The following CPQ variants were observed in gnomAD, a reference collection of about 807,000 sequenced individuals.
CPQ encodes Ser-Met dipeptidase.
In CPQ, 37 loss-of-function variants were observed where a neutral mutation model predicts 45.7. The ratio of observed to expected loss-of-function variants is 0.81; its 90% confidence interval spans 0.62 to 1.07. The LOEUF is 1.07. Among genes scored for constraint, CPQ ranks in the 50% least tolerant of loss-of-function variants. The pLI is 0.00. For synonymous variants in CPQ, 186 were observed against 205.8 expected (o/e 0.90, Z 0.82); for missense variants, 537 against 572.9 (o/e 0.94, Z 0.64).
intron 5 of CPQ, among the ~76,000 whole-genome samples, chr8:97,001,216 T>C (rs1400367919): frequency 3.3e-5 from 5 of 152,160 alleles, no homozygotes; most frequent in Non-Finnish European, 5.9e-5. Flanking sequence ...CTCTTTCTAT[T>C]TGAATACACT....
At chr8:97,039,590 G>A (rs1343025468) in intron 6 of CPQ, among the ~76,000 whole-genome samples, 4 of 151,386 alleles carry the variant, frequency 2.6e-5, no homozygotes, top group South Asian at 2.1e-4. Context: ...CCATTAACTC[G>A]TCATTTAGCA....
At chr8:96,662,978 C>T (rs951734764) in intron 1 of CPQ, among the ~76,000 whole-genome samples, 1 of 152,172 alleles carries the variant, frequency 6.6e-6, no homozygotes, top group Non-Finnish European at 1.5e-5. Flanking sequence ...CAGAGCAAAG[C>T]CCTGTCTCAA....
At chr8:96,918,737 G>T (rs1290000204) in intron 4 of CPQ, among the ~76,000 whole-genome samples, 2 of 152,042 alleles carry the variant, frequency 1.3e-5, no homozygotes, top group African/African-American at 4.8e-5. Context: ...CTTCCACTGT[G>T]CCCAGGTCAC....
At chr8:96,942,564 C>A (rs928196798) in intron 4 of CPQ, among the ~76,000 whole-genome samples, 3 of 152,162 alleles carry the variant, frequency 2.0e-5, no homozygotes, top group African/African-American at 7.2e-5. Flanking sequence ...CTAGCTGATA[C>A]AGAAGATCCA....
intron 1 of CPQ, among the ~76,000 whole-genome samples, chr8:96,690,496 T>C (rs1809291600): frequency 6.6e-6 from 1 of 152,196 alleles, no homozygotes; most frequent in African/African-American, 2.4e-5. Flanking sequence ...CTTGCTTTCT[T>C]TAGTGCCAAG....
intron 7 of CPQ, among the ~76,000 whole-genome samples, chr8:97,108,784 T>G (rs1811450635): frequency 6.6e-6 from 1 of 152,232 alleles, no homozygotes; most frequent in African/African-American, 2.4e-5. Context: ...ATTTCCAGCT[T>G]CATAGAATTA....
intron 5 of CPQ, among the ~76,000 whole-genome samples, chr8:96,969,422 A>G (rs1043708881): frequency 2.7e-4 from 41 of 152,352 alleles, no homozygotes; most frequent in African/African-American, 9.6e-4. Context: ...ATTTAATTCA[A>G]AAATTGCAAT....
chr8:97,048,735 T>G (rs2130502998), intron 6 of CPQ, among the ~76,000 whole-genome samples: 1 of 152,244 alleles, frequency 6.6e-6, no homozygotes, highest in East Asian at 1.9e-4. Flanking sequence ...ACAACAGAGG[T>G]GGAACGGAAA....
chr8:97,116,568 T>C (rs897481815), intron 7 of CPQ, among the ~76,000 whole-genome samples: 1 of 152,224 alleles, frequency 6.6e-6, no homozygotes, highest in Non-Finnish European at 1.5e-5. Flanking sequence ...CTGCTTAGTA[T>C]GTTAGCAATT....
intron 4 of CPQ, among the ~76,000 whole-genome samples, chr8:96,964,939 C>G (rs1288784583): frequency 6.6e-6 from 1 of 151,960 alleles, no homozygotes; most frequent in Non-Finnish European, 1.5e-5. Flanking sequence ...TGGTTTATAA[C>G]TTGTTTGAAA....
chr8:96,731,232 C>A (rs1292791262), intron 1 of CPQ, among the ~76,000 whole-genome samples: 1 of 152,066 alleles, frequency 6.6e-6, no homozygotes, highest in Non-Finnish European at 1.5e-5. Flanking sequence ...CTCTCTGAAC[C>A]TCAGTTCTCT....
intron 1 of CPQ, among the ~76,000 whole-genome samples, chr8:96,751,757 T>A (rs1217013635): frequency 3.3e-5 from 5 of 152,224 alleles, no homozygotes; most frequent in African/African-American, 1.2e-4. Flanking sequence ...GTTCTAGGTT[T>A]TTTATAGTTT....
intron 1 of CPQ, among the ~76,000 whole-genome samples, chr8:96,716,987 C>A (rs1474573446): frequency 7.7e-6 from 1 of 130,036 alleles, no homozygotes; most frequent in East Asian, 2.4e-4. Flanking sequence ...GTCATTATTC[C>A]GTTCCTTTTT....
chr8:96,792,947 G>C (rs1232478234), intron 2 of CPQ, among the ~76,000 whole-genome samples: 2 of 152,084 alleles, frequency 1.3e-5, no homozygotes, highest in Non-Finnish European at 2.9e-5. Context: ...GAGAATGAGT[G>C]GCAAGCGAAG....
intron 4 of CPQ, among the ~76,000 whole-genome samples, chr8:96,936,389 A>G (rs1813050561): frequency 6.6e-6 from 1 of 152,190 alleles, no homozygotes; most frequent in South Asian, 2.1e-4. Context: ...ATTTGTGTTT[A>G]AAAAAGCAAC....
At chr8:96,923,384 C>T (rs1450922285) in intron 4 of CPQ, among the ~76,000 whole-genome samples, 1 of 152,180 alleles carries the variant, frequency 6.6e-6, no homozygotes, top group Admixed American at 6.5e-5. Flanking sequence ...GCATATCTTT[C>T]ACCAGAAGCA....
At position 97,090,906 on chromosome 8, in the gene CPQ, T is replaced by C. The variant is rs151292330; in HGVS notation, c.1255+24696T>C. The stretch of plus-strand genomic sequence containing the variant: ...AACATTATGATGCAACTTCACATCA[T>C]AACAGGATGCTGCAAGAGTCCATGC... On this transcript the variant is annotated intron_variant, in intron 7 of 7. Transcript: ENST00000220763. Among the ~76,000 whole-genome samples the C allele has an allele frequency of 9.8e-5, 15 of 152,312 alleles. No individual in the cohort carries two copies. The East Asian group carries it at 2.9e-3, about 29-fold the overall frequency.
At chr8:97,094,861 T>C (rs1349685535) in intron 7 of CPQ, among the ~76,000 whole-genome samples, 2 of 152,152 alleles carry the variant, frequency 1.3e-5, no homozygotes, top group Non-Finnish European at 2.9e-5. Flanking sequence ...TTCCAGTGCA[T>C]CCTGAATTCC....
At chr8:97,034,323 C>T (rs1458001367) in intron 6 of CPQ, among the ~76,000 whole-genome samples, 5 of 152,192 alleles carry the variant, frequency 3.3e-5, no homozygotes, top group African/African-American at 1.2e-4. Context: ...ATGCCTCTAA[C>T]AGTTCATAGC....
Sources: gnomAD v4.1 joint callset for allele counts (sites outside exome capture counted in the v4.1 genomes callset) on GRCh38, gnomAD v4.1.1 for gene constraint, MANE v1.5 for transcripts, NCBI Gene and HGNC (gene_info 2026-07-23, HGNC 2026-07-21) for gene names.